LEPR: variants seen among roughly 807,000 people sequenced by gnomAD.
LEPR encodes OB receptor.
In LEPR, 56 loss-of-function variants were observed where a neutral mutation model predicts 114.7. The observed-to-expected ratio is 0.49, with a 90% CI of 0.39 to 0.61. LEPR has a LOEUF of 0.61. Among genes scored for constraint, LEPR ranks in the 20% least tolerant of loss-of-function variants. The pLI is 0.00. For missense variants in LEPR, 1,202 were observed against 1,352.9 expected (o/e 0.89, Z 1.75); for synonymous variants, 443 against 461.4 (o/e 0.96, Z 0.51).
chr1:65,525,720 C>A, intron 2 of LEPR: 6 of 985,778 alleles, frequency 6.1e-6, no homozygotes, highest in Non-Finnish European at 7.2e-6. Flanking sequence ...GCGGCCCCAT[C>A]GCAGAGCCCA....
intron 11 of LEPR, among the ~76,000 whole-genome samples, chr1:65,605,486 G>A (rs1200652414): frequency 2.6e-5 from 4 of 152,138 alleles, no homozygotes; most frequent in East Asian, 3.8e-4. Flanking sequence ...TGAAATACAT[G>A]GGTCATTATG....
intron 11 of LEPR, among the ~76,000 whole-genome samples, chr1:65,607,800 G>A (rs1482438177): frequency 3.9e-5 from 6 of 152,196 alleles, no homozygotes; most frequent in African/African-American, 1.4e-4. Context: ...GAAAACTTAT[G>A]TAGTGAATCT....
At chr1:65,477,536 G>A (rs998776008) in intron 2 of LEPR, among the ~76,000 whole-genome samples, 15 of 152,180 alleles carry the variant, frequency 9.9e-5, no homozygotes, top group African/African-American at 3.6e-4. Context: ...TTAATGGGTG[G>A]GACCTTGAGT....
At chr1:65,484,015 T>A (rs116132197) in intron 2 of LEPR, among the ~76,000 whole-genome samples, 2,241 of 152,048 alleles carry the variant, frequency 0.015, 57 homozygotes, top group African/African-American at 0.05. Context: ...CATAGATCAC[T>A]GCAGGGTAAT....
At chr1:65,619,032 TA>T (rs1420681822) in intron 16 of LEPR, among the ~76,000 whole-genome samples, 1 of 152,126 alleles carries the variant, frequency 6.6e-6, no homozygotes, top group African/African-American at 2.4e-5. Flanking sequence ...GCACAAAGTA[TA>T]AGTGCACAAG....
At chr1:65,611,980 C>T (rs1657199652) in intron 14 of LEPR, among the ~76,000 whole-genome samples, 3 of 152,174 alleles carry the variant, frequency 2.0e-5, no homozygotes, top group African/African-American at 7.2e-5. Flanking sequence ...GCTAATCTAC[C>T]ATCTTTGCAG....
At chr1:65,620,090 G>T in intron 17 of LEPR, 67 bp downstream of exon 17, 1 of 1,187,232 alleles carries the variant, frequency 8.4e-7, no homozygotes, top group Non-Finnish European at 1.2e-6. Flanking sequence ...CAGTAATATT[G>T]CCATCTGATT....
At chr1:65,521,300 A>G (rs1447608908) in intron 2 of LEPR, among the ~76,000 whole-genome samples, 5 of 152,214 alleles carry the variant, frequency 3.3e-5, no homozygotes, top group Admixed American at 3.3e-4. Flanking sequence ...TTCTAAATGG[A>G]AAAAGGGTTA....
At chr1:65,434,481 C>G in intron 2 of LEPR, 1 of 985,304 alleles carries the variant, frequency 1.0e-6, no homozygotes, top group Non-Finnish European at 1.2e-6. Flanking sequence ...CTTTGAGACA[C>G]TTTTCCACAG....
chr1:65,596,555 G>A lies in LEPR; in HGVS notation c.811G>A (p.Val271Met), dbSNP rs779068425. 1.2e-6 allele frequency: 2 copies of A among 1,612,520 alleles called. No homozygotes were observed. Among genetic ancestry groups the A allele is most frequent in the South Asian group, 2.2e-5 (2 of 91,048 alleles). Residue 271 changes from valine (V) to methionine (M), a missense_variant, in exon 7 of 20, where the codon GTG becomes ATG. Physicochemically the swap from Val to Met is conservative, Grantham distance 21. Transcript: ENST00000349533. ...PLVPFPLQYQ[V>M]KYSENSTTVI... The stretch of plus-strand genomic sequence containing the variant: ...GGTACCATTTCCACTTCAATATCAA[G>A]TGAAATATTCAGAGAATTCTACAAC...
At chr1:65,496,907 T>C (rs1377903075) in intron 2 of LEPR, among the ~76,000 whole-genome samples, 1 of 151,998 alleles carries the variant, frequency 6.6e-6, no homozygotes, top group Admixed American at 6.6e-5. Flanking sequence ...AGACCTGAAT[T>C]AGAATCTACA....
chr1:65,556,282 C>T (rs918255316), intron 2 of LEPR, among the ~76,000 whole-genome samples: 1 of 152,018 alleles, frequency 6.6e-6, no homozygotes, highest in Non-Finnish European at 1.5e-5. Flanking sequence ...CTTTATAAGC[C>T]ACTGAGTTCG....
At chr1:65,438,466 C>G (rs1446105608) in intron 2 of LEPR, among the ~76,000 whole-genome samples, 4 of 146,672 alleles carry the variant, frequency 2.7e-5, no homozygotes, top group African/African-American at 1.0e-4. Context: ...AGGAGAACTG[C>G]TTGAACCTGG....
intron 19 of LEPR, chr1:65,635,556 A>T (rs1246394167): frequency 1.5e-5 from 3 of 199,366 alleles, no homozygotes; most frequent in African/African-American, 2.4e-5. Flanking sequence ...TCTACATATG[A>T]TATTATTAGC....
chr1:65,435,934 G>C (rs1646557164), intron 2 of LEPR: 1 of 985,250 alleles, frequency 1.0e-6, no homozygotes, highest in Non-Finnish European at 1.2e-6. Flanking sequence ...GCGTACAACA[G>C]TGATACATGT....
chr1:65,434,101 G>T, intron 2 of LEPR: 1 of 984,732 alleles, frequency 1.0e-6, no homozygotes, highest in Non-Finnish European at 1.2e-6. Flanking sequence ...ATTACCTCTT[G>T]ATTGTATCTT....
chr1:65,579,307 G>T (rs1654817789), intron 5 of LEPR, among the ~76,000 whole-genome samples: 1 of 152,190 alleles, frequency 6.6e-6, no homozygotes, highest in African/African-American at 2.4e-5. Flanking sequence ...GATAATTAAA[G>T]GATGAAATCA....
At chr1:65,545,309 T>C (rs867370387) in intron 2 of LEPR, among the ~76,000 whole-genome samples, 1 of 152,084 alleles carries the variant, frequency 6.6e-6, no homozygotes, top group African/African-American at 2.4e-5. Context: ...TATAGTCCTT[T>C]GGGTATACAC....
At chr1:65,540,905 C>T (rs1651147384) in intron 2 of LEPR, among the ~76,000 whole-genome samples, 1 of 152,164 alleles carries the variant, frequency 6.6e-6, no homozygotes, top group Non-Finnish European at 1.5e-5. Flanking sequence ...AATTTTGGCT[C>T]ACTGTAATCT....
Sources: allele counts gnomAD v4.1 joint callset (sites outside exome capture counted in the v4.1 genomes callset), GRCh38; gene constraint gnomAD v4.1.1; transcripts MANE v1.5; gene names NCBI Gene and HGNC (gene_info 2026-07-23, HGNC 2026-07-21).